BRCA2: variants seen among roughly 807,000 people sequenced by gnomAD.
The protein encoded by BRCA2 is BRCA2 DNA repair associated.
BRCA2 carries 203 observed loss-of-function variants against 276.7 expected under a neutral mutation model. The ratio of observed to expected loss-of-function variants is 0.73; its 90% CI spans 0.65 to 0.82. The LOEUF (loss-of-function observed/expected upper bound fraction) is 0.82, where lower values mean the gene tolerates loss of function less well. BRCA2 is among the 40% of genes least tolerant of loss of function. BRCA2 has a pLI of 0.00. For missense variants in BRCA2, 3,920 were observed against 3,915.0 expected (o/e 1.00, Z -0.03); for synonymous variants, 1,289 against 1,338.4 (o/e 0.96, Z 0.81).
rs748508287 is a variant in BRCA2, at chr13:32,337,401, G to T, written c.3046G>T (p.Glu1016Ter). 1 of 1,613,516 alleles carries T rather than the reference G, an allele frequency of 6.2e-7. No homozygotes were observed. Among genetic ancestry groups the T allele is most frequent in the Non-Finnish European group, 8.5e-7 (1 of 1,179,774 alleles). The change falls in exon 11 of 27, where the codon GAA (glutamate) becomes TAA (stop). Residue 1016 changes from glutamate (E) to a stop codon, truncating the protein, a stop_gained. Coordinates refer to ENST00000380152, the MANE Select transcript of BRCA2 (RefSeq NM_000059.4). LOFTEE classifies it high-confidence loss of function. ...GGSFRTASNK[E>*]IKLSEHNIKK... ...TAGCTTCAGAACAGCTTCAAATAAG[G>T]AAATCAAGCTCTCTGAACATAACAT...
At chr13:32,378,868 G>A (rs1182652614) in intron 21 of BRCA2, among the ~76,000 whole-genome samples, 1 of 152,138 alleles carries the variant, frequency 6.6e-6, no homozygotes, top group Admixed American at 6.5e-5. Context: ...CTAAGAATGA[G>A]GGTTCTAGGG....
intron 21 of BRCA2, 107 bp from the exon 22 acceptor site, chr13:32,379,210 T>C (rs2072894700): frequency 2.0e-6 from 2 of 1,020,764 alleles, no homozygotes; most frequent in Middle Eastern, 2.3e-4. Flanking sequence ...ACCCTTAAGA[T>C]GAGCTCTAAT....
chr13:32,340,605 G>T lies in BRCA2; in HGVS notation c.6250G>T (p.Asp2084Tyr). 1 of 1,607,616 alleles carries T rather than the reference G, an allele frequency of 6.2e-7. No individual in the cohort carries two copies. Among genetic ancestry groups the T allele is most frequent in the South Asian group, 1.1e-5 (1 of 90,188 alleles). The change falls in exon 11 of 27, where the codon GAT (aspartate) becomes TAT (tyrosine). Residue 2084 changes from aspartate to tyrosine, a missense_variant. Asp to Tyr is a radical substitution (Grantham distance 160). Coordinates refer to ENST00000380152, the MANE Select transcript of BRCA2 (RefSeq NM_000059.4). ...AGTTAAGGGAGTGTTAGAGGAATTT[G>T]ATTTAATCAGAACTGAGCATAGTCT... Reference protein sequence around the residue: ...HKVKGVLEEFDLIRTEHSLHY... With the variant: ...HKVKGVLEEFYLIRTEHSLHY...
At chr13:32,378,276 C>G (rs1288501622) in intron 21 of BRCA2, among the ~76,000 whole-genome samples, 1 of 152,148 alleles carries the variant, frequency 6.6e-6, no homozygotes, top group African/African-American at 2.4e-5. Flanking sequence ...TTCTTAGGAC[C>G]TCATTTCCAC....
At chr13:32,322,752 T>C (rs1347475380) in intron 3 of BRCA2, among the ~76,000 whole-genome samples, 1 of 152,254 alleles carries the variant, frequency 6.6e-6, no homozygotes, top group African/African-American at 2.4e-5. Context: ...CTTCCATGTC[T>C]TTTAATGATT....
At position 32,398,459 on chromosome 13, in the gene BRCA2, G is replaced by T. The variant is rs758051959; in HGVS notation, c.9946G>T (p.Glu3316Ter). ...TKYETPIKKK[E>*]LNSPQMTPFK... ...ATACGAAACACCCATAAAGAAAAAAGAACTGAATTCTCCTCAGATGACTCC... is the reference window on the plus strand; with the variant it reads ...ATACGAAACACCCATAAAGAAAAAATAACTGAATTCTCCTCAGATGACTCC... The change falls in exon 27 of 27, where the codon GAA becomes TAA. Residue 3316 changes from glutamate to a stop codon, truncating the protein, a stop_gained. Coordinates refer to ENST00000380152, the MANE Select transcript of BRCA2 (RefSeq NM_000059.4). LOFTEE classifies it low-confidence loss of function (END_TRUNC). 4 of 1,614,122 alleles carry T rather than the reference G, an allele frequency of 2.5e-6. No individual in the cohort carries two copies. In the South Asian group the frequency reaches 4.4e-5, roughly 18 times the overall value.
At chr13:32,349,768 T>C (rs1043490913) in intron 13 of BRCA2, among the ~76,000 whole-genome samples, 6 of 148,382 alleles carry the variant, frequency 4.0e-5, no homozygotes, top group Admixed American at 3.4e-4. Context: ...TGAGCCAAGA[T>C]TGCGCCACTG....
In BRCA2 at chr13:32,379,460, C is replaced by G. The variant is rs1566252734; in HGVS notation, c.8898C>G (p.Val2966=). 2 of 1,613,196 alleles carry G rather than the reference C, an allele frequency of 1.2e-6. No individual in the cohort carries two copies. Among genetic ancestry groups the G allele is most frequent in the South Asian group, 2.2e-5 (2 of 90,886 alleles). ...EQKEQGLSRD[V]TTVWKLRIVS... is the part of the protein sequence containing the mutation. ...AGGAACAAGGTTTATCAAGGGATGTCACAACCGTGTGGAAGTTGCGTATTG... is the reference window on the plus strand; with the variant it reads ...AGGAACAAGGTTTATCAAGGGATGTGACAACCGTGTGGAAGTTGCGTATTG... Residue 2966 remains valine, a synonymous_variant, in exon 22 of 27, where the codon GTC becomes GTG. Transcript: ENST00000380152.
chr13:32,392,403 T>G (rs2073002911), intron 24 of BRCA2, among the ~76,000 whole-genome samples: 1 of 152,086 alleles, frequency 6.6e-6, no homozygotes, highest in Admixed American at 6.6e-5. Flanking sequence ...TTATAACTCT[T>G]GGCTAGGCAC....
chr13:32,321,143 C>CA (rs981389329), intron 3 of BRCA2, among the ~76,000 whole-genome samples: 1 of 151,704 alleles, frequency 6.6e-6, no homozygotes, highest in East Asian at 1.9e-4. Flanking sequence ...ATGGAGGATT[C>CA]AAAAAAAGGA....
rs2137600689 is a variant in BRCA2 at position 32,371,051 on chromosome 13, A to G, written c.8583A>G (p.Arg2861=). The G allele has an allele frequency of 6.2e-7, 1 of 1,614,192 alleles. No homozygotes were observed. Among genetic ancestry groups the G allele is most frequent in the Non-Finnish European group, 8.5e-7 (1 of 1,180,014 alleles). ...AATATGTGGAGGCCCAACAAAAGAG[A>G]CTAGAAGCCTTATTCACTAAAATTC... is the stretch of plus-strand genomic sequence containing the variant. ...AAKYVEAQQK[R]LEALFTKIQE... is the part of the protein sequence containing the mutation. Residue 2861 remains arginine (R), a synonymous_variant, in exon 20 of 27, where the codon AGA becomes AGG. Transcript: ENST00000380152.
Position 32,398,935 on chromosome 13 carries a change from C to G in BRCA2, c.*165C>G. On this transcript the variant is annotated 3_prime_UTR_variant, in exon 27 of 27. Coordinates refer to ENST00000380152, the MANE Select transcript of BRCA2 (RefSeq NM_000059.4). ...TGTATCGGGCAAAAATCGTTTTGCC[C>G]GATTCCGTATTGGTATACTTTTGCT... is the stretch of plus-strand genomic sequence containing the variant. 1 of 814,550 alleles carries G rather than the reference C, an allele frequency of 1.2e-6. No individual in the cohort carries two copies. Among genetic ancestry groups the G allele is most frequent in the South Asian group, 2.0e-5 (1 of 50,214 alleles). 50.5% of individuals were successfully genotyped at this position (814,550 alleles called of 1,614,324 possible).
intron 16 of BRCA2, among the ~76,000 whole-genome samples, chr13:32,359,890 G>T (rs1365530445): frequency 3.9e-5 from 6 of 152,026 alleles, no homozygotes; most frequent in Non-Finnish European, 7.4e-5. Context: ...TGGGTACTAG[G>T]GATAATAAAG....
At chr13:32,331,760 G>A (rs916866908) in intron 9 of BRCA2, among the ~76,000 whole-genome samples, 11 of 151,278 alleles carry the variant, frequency 7.3e-5, no homozygotes, top group Non-Finnish European at 1.5e-5. Context: ...ATATACCATA[G>A]TTTACCTAAT....
At chr13:32,356,337 T>G in intron 14 of BRCA2, 91 bp from the exon 15 acceptor site, 1 of 1,328,152 alleles carries the variant, frequency 7.5e-7, no homozygotes, top group Non-Finnish European at 1.1e-6. Flanking sequence ...CCCAAAGTGC[T>G]GGGATTACAG....
Position 32,335,344 on chromosome 13 carries a change from C to CAAA in BRCA2, c.1910-904_1910-902dup, listed in dbSNP as rs780395396. Among the ~76,000 whole-genome samples the CAAA allele has an allele frequency of 9.3e-3, 445 of 47,742 alleles. 5 individuals are homozygous for CAAA. Among genetic ancestry groups the CAAA allele is most frequent in the African/African-American group, 0.031 (429 of 13,700 alleles). The allele number at this position is 47,742 out of a possible 152,430, so 31.3% of individuals were successfully genotyped here. The stretch of plus-strand genomic sequence containing the variant: ...TGGGTGACAGAACGAGACTCCATCT[C>CAAA]AAAAAAAAAAAAAAAAAAAGCTAAT... On this transcript the variant is annotated intron_variant, in intron 10 of 26. Transcript: ENST00000380152.
At chr13:32,366,107 A>G (rs1335764203) in intron 18 of BRCA2, among the ~76,000 whole-genome samples, 1 of 152,190 alleles carries the variant, frequency 6.6e-6, no homozygotes, top group Non-Finnish European at 1.5e-5. Context: ...ATTCCTAAAA[A>G]TTTAGAAAGT....
intron 16 of BRCA2, among the ~76,000 whole-genome samples, chr13:32,362,055 C>T (rs1405031051): frequency 1.3e-5 from 2 of 152,130 alleles, no homozygotes; most frequent in Non-Finnish European, 2.9e-5. Context: ...GATAGGGTCT[C>T]ACTCTTGTCC....
intron 18 of BRCA2, among the ~76,000 whole-genome samples, chr13:32,368,222 A>G (rs994463253): frequency 6.6e-6 from 1 of 151,314 alleles, no homozygotes; most frequent in Non-Finnish European, 1.5e-5. Context: ...GGGCTTCACT[A>G]TGTTGGCTAC....
Sources: allele counts gnomAD v4.1 joint callset (sites outside exome capture counted in the v4.1 genomes callset), GRCh38; gene constraint gnomAD v4.1.1; transcripts MANE v1.5; gene names NCBI Gene and HGNC (gene_info 2026-07-23, HGNC 2026-07-21).